BLVRA: variants seen among roughly 807,000 people sequenced by gnomAD.
The protein encoded by BLVRA is biliverdin reductase A.
BLVRA carries 22 observed loss-of-function variants against 32.8 expected under a neutral mutation model. The ratio of observed to expected loss-of-function variants is 0.67; its 90% confidence interval spans 0.48 to 0.96. The LOEUF (loss-of-function observed/expected upper bound fraction) is 0.96. BLVRA is among the 40% of genes least tolerant of loss of function. The probability of loss-of-function intolerance (pLI) is 0.00; values close to 1 mark genes in which losing one functional copy is unlikely to be tolerated. For missense variants in BLVRA, 323 were observed against 358.1 expected (o/e 0.90, Z 0.79); for synonymous variants, 119 against 141.3 (o/e 0.84, Z 1.12).
chr7:43,793,499 T>C (rs2095788426), intron 5 of BLVRA, among the ~76,000 whole-genome samples: 1 of 152,170 alleles, frequency 6.6e-6, no homozygotes, highest in Non-Finnish European at 1.5e-5. Context: ...AAATTAAGAC[T>C]TTCCCAGGCC....
At chr7:43,794,216 T>A (rs17246002) in intron 5 of BLVRA, among the ~76,000 whole-genome samples, 15,744 of 151,910 alleles carry the variant, frequency 0.1, 978 homozygotes, top group Admixed American at 0.19. Flanking sequence ...GGCAACAGAG[T>A]GAGACCCTGT....
At chr7:43,772,330 C>T (rs770424374) in intron 2 of BLVRA, among the ~76,000 whole-genome samples, 13 of 152,244 alleles carry the variant, frequency 8.5e-5, no homozygotes, top group Non-Finnish European at 1.8e-4. Flanking sequence ...CTTCCTGCAA[C>T]TCCTTCAGGG....
intron 1 of BLVRA, among the ~76,000 whole-genome samples, chr7:43,763,654 T>G (rs1233288106): frequency 6.6e-6 from 1 of 152,270 alleles, no homozygotes; most frequent in Non-Finnish European, 1.5e-5. Flanking sequence ...CGTGTCATTC[T>G]CTTTTTAGGT....
chr7:43,791,572 A>G, intron 4 of BLVRA: 1 of 578,330 alleles, frequency 1.7e-6, no homozygotes. Context: ...AAAATAGTAA[A>G]ATTAATATTT....
intron 5 of BLVRA, among the ~76,000 whole-genome samples, chr7:43,794,643 C>A (rs1303987867): frequency 6.6e-6 from 1 of 151,382 alleles, no homozygotes; most frequent in Non-Finnish European, 1.5e-5. Context: ...GCTGAGGCAG[C>A]AGAATTGCTT....
chr7:43,802,927 A>G (rs1408719276), intron 6 of BLVRA, among the ~76,000 whole-genome samples: 2 of 151,682 alleles, frequency 1.3e-5, no homozygotes, highest in African/African-American at 4.9e-5. Flanking sequence ...TTTTTACTAG[A>G]GACGGGGTTT....
intron 3 of BLVRA, among the ~76,000 whole-genome samples, chr7:43,790,381 C>T (rs1039006930): frequency 3.3e-4 from 50 of 152,118 alleles, no homozygotes; most frequent in African/African-American, 1.0e-3. Context: ...TCATGGAGAA[C>T]GAATTCCTCA....
In BLVRA at chr7:43,799,257, T is replaced by C. The variant is rs148208548; in HGVS notation, c.353-1208T>C. Among the ~76,000 whole-genome samples the C allele has an allele frequency of 2.8e-4, 42 of 152,316 alleles. No homozygotes were observed. In the East Asian group the frequency reaches 7.9e-3, roughly 29 times the overall value. ...GAGCATTTGGCAGTATTTGCTGTGA[T>C]GCTGGGTTAGACAAAGGCAACCGTC... On this transcript the variant is annotated intron_variant, in intron 5 of 7. Transcript: ENST00000265523.
Position 43,791,368 on chromosome 7 carries a change from G to A in BLVRA, c.254G>A (p.Arg85Lys), listed in dbSNP as rs746724400. 3 of 1,614,068 alleles carry A rather than the reference G, an allele frequency of 1.9e-6. No individual in the cohort carries two copies. The highest frequency in any genetic ancestry group is 2.7e-5 in the African/African-American group (2 of 74,934). The change falls in exon 4 of 8, where the codon AGG (arginine) becomes AAG (lysine). Residue 85 changes from arginine to lysine, a missense_variant and splice_region_variant. Physicochemically the swap from Arg to Lys is conservative, Grantham distance 26. Transcript: ENST00000265523. ...AGCTCCAGCCATGAGGACTACATCA[G>A]GTGGGTTTTCCACACAGGCAGTCCT... is the stretch of plus-strand genomic sequence containing the variant. ...SESSSHEDYI[R>K]QFLNAGKHVL...
intron 2 of BLVRA, among the ~76,000 whole-genome samples, chr7:43,775,146 G>A (rs916546114): frequency 2.0e-5 from 3 of 151,852 alleles, no homozygotes; most frequent in Non-Finnish European, 2.9e-5. Flanking sequence ...TCTCCTGCCT[G>A]ATTGCCCTGG....
chr7:43,775,695 T>C (rs1437858297), intron 2 of BLVRA, among the ~76,000 whole-genome samples: 2 of 152,128 alleles, frequency 1.3e-5, no homozygotes, highest in African/African-American at 4.8e-5. Context: ...CTGTTGATTG[T>C]AATAGTTTCA....
At chr7:43,769,221 G>A (rs1299575554) in intron 1 of BLVRA, among the ~76,000 whole-genome samples, 2 of 151,938 alleles carry the variant, frequency 1.3e-5, no homozygotes, top group Non-Finnish European at 2.9e-5. Context: ...GTAAAGACAG[G>A]GTCTTGCCAT....
intron 2 of BLVRA, among the ~76,000 whole-genome samples, chr7:43,782,242 A>G (rs957390422): frequency 2.6e-5 from 4 of 152,186 alleles, no homozygotes; most frequent in Non-Finnish European, 4.4e-5. Flanking sequence ...AGGGTCAGTG[A>G]AAGTGTAGAG....
rs767808674 is a variant in BLVRA, at chr7:43,792,665, T to C, written c.255-50T>C. The stretch of plus-strand genomic sequence containing the variant: ...TTCTCTATTATGCAGAGCATTTCAG[T>C]GAAGCTTATTCGAAGTGTTCTTTCT... On this transcript the variant is annotated intron_variant, in intron 4 of 7. Coordinates refer to ENST00000265523, the MANE Select transcript of BLVRA (RefSeq NM_000712.4). 8 of 1,508,520 alleles carry C rather than the reference T, an allele frequency of 5.3e-6. No homozygotes were observed. The Admixed American group carries it at 1.4e-4, about 26-fold the overall frequency. 93.4% of individuals were successfully genotyped at this position (1,508,520 alleles called of 1,614,324 possible).
chr7:43,804,201 G>T (rs2095801781), intron 7 of BLVRA, among the ~76,000 whole-genome samples: 1 of 152,234 alleles, frequency 6.6e-6, no homozygotes, highest in South Asian at 2.1e-4. Context: ...CAGCACTTGG[G>T]GAGGCCAAGG....
intron 2 of BLVRA, among the ~76,000 whole-genome samples, chr7:43,784,552 C>T (rs1166102803): frequency 1.3e-5 from 2 of 151,922 alleles, no homozygotes; most frequent in African/African-American, 2.4e-5. Flanking sequence ...AAGTTCTTCC[C>T]CTAAGAGCAG....
chr7:43,772,148 C>G (rs1226365192), intron 2 of BLVRA, among the ~76,000 whole-genome samples: 1 of 152,136 alleles, frequency 6.6e-6, no homozygotes, highest in Non-Finnish European at 1.5e-5. Context: ...CAGGGCTGGT[C>G]GATCCTGCGG....
chr7:43,788,311 T>C (rs2095780843), intron 3 of BLVRA, among the ~76,000 whole-genome samples: 4 of 152,160 alleles, frequency 2.6e-5, no homozygotes, highest in Admixed American at 2.6e-4. Context: ...AGAAAACACA[T>C]GCATGGGGCT....
At chr7:43,775,099 A>T (rs2095759228) in intron 2 of BLVRA, among the ~76,000 whole-genome samples, 1 of 151,982 alleles carries the variant, frequency 6.6e-6, no homozygotes, top group Non-Finnish European at 1.5e-5. Flanking sequence ...GGACAATTTG[A>T]CTTCCTCTTT....
Sources: allele counts gnomAD v4.1 joint callset (sites outside exome capture counted in the v4.1 genomes callset), GRCh38; gene constraint gnomAD v4.1.1; transcripts MANE v1.5; gene names NCBI Gene and HGNC (gene_info 2026-07-23, HGNC 2026-07-21).